PLD1: variants seen among roughly 807,000 people sequenced by gnomAD.
The protein encoded by PLD1 is choline phosphatase 1.
PLD1 carries 112 observed loss-of-function variants against 137.1 expected under a neutral mutation model. The observed-to-expected ratio is 0.82, with a 90% CI of 0.70 to 0.96. PLD1 has a LOEUF of 0.96. PLD1 is among the 40% of genes least tolerant of loss of function. The probability of loss-of-function intolerance (pLI) is 0.00; values close to 1 mark genes in which losing one functional copy is unlikely to be tolerated. For synonymous variants in PLD1, 431 were observed against 454.7 expected (o/e 0.95, Z 0.66); for missense variants, 1,321 against 1,342.0 (o/e 0.98, Z 0.24).
intron 1 of PLD1, among the ~76,000 whole-genome samples, chr3:171,786,854 T>C (rs1023646825): frequency 5.9e-5 from 9 of 152,214 alleles, no homozygotes; most frequent in Non-Finnish European, 1.2e-4. Context: ...TTATCTCTTA[T>C]GCAAACATTC....
In PLD1 at chr3:171,687,583, G is replaced by A. The variant is rs137972331; in HGVS notation, c.1541C>T (p.Pro514Leu). Residue 514 changes from proline to leucine, a missense_variant and splice_region_variant, in exon 15 of 27, where the codon CCT becomes CTT. Coordinates refer to ENST00000351298, the MANE Select transcript of PLD1 (RefSeq NM_002662.5). The stretch of plus-strand genomic sequence containing the variant: ...GGATTCCATAGACTCCATTGCGGCA[G>A]GCTGAGAAAAATTTTTTTTTAAAAA... ...TSGPSLGSLP[P>L]AAMESMESLR... 3,517 of 1,607,246 alleles carry A rather than the reference G, an allele frequency of 2.2e-3. 60 individuals carry two copies. In the Admixed American group the frequency reaches 0.036, roughly 17 times the overall value.
intron 11 of PLD1, among the ~76,000 whole-genome samples, chr3:171,704,458 GAAAAAAAAAA>G (rs34861885): frequency 1.1e-5 from 1 of 95,232 alleles, no homozygotes; most frequent in African/African-American, 3.3e-5. Context: ...AAAGAACCAG[GAAAAAAAAAA>G]AAAAAAAAAC....
chr3:171,663,565 A>G lies in PLD1; in HGVS notation c.2230-1395T>C, dbSNP rs1484390494. Among the ~76,000 whole-genome samples the G allele has an allele frequency of 2.0e-5, 3 of 152,322 alleles. No homozygotes were observed. In the East Asian group the frequency reaches 5.8e-4, roughly 29 times the overall value. ...AGATGTGTTTGAGCTGTGGCAGGTCATGTCAGGGATGCTGCAGAGCAGACT... is the reference window on the plus strand; with the variant it reads ...AGATGTGTTTGAGCTGTGGCAGGTCGTGTCAGGGATGCTGCAGAGCAGACT... On this transcript the variant is annotated intron_variant, in intron 19 of 26. Coordinates refer to ENST00000351298, the MANE Select transcript of PLD1 (RefSeq NM_002662.5).
Position 171,687,476 on chromosome 3 carries a change from C to T in PLD1, c.1648G>A (p.Gly550Arg). ...SIDDVDSKLK[G>R]IGKPRKFSKF... is the part of the protein sequence containing the mutation. ...GAGAACTTTCTTGGCTTTCCTATTC[C>T]TTTCAGTTTTGAATCCACATCATCA... Residue 550 changes from glycine (G) to arginine (R), a missense_variant, in exon 15 of 27, where the codon GGA becomes AGA. Gly to Arg is a moderately radical substitution (Grantham distance 125). Transcript: ENST00000351298. 6.2e-7 allele frequency: 1 copy of T among 1,614,078 alleles called. No individual in the cohort carries two copies. Among genetic ancestry groups the T allele is most frequent in the Non-Finnish European group, 8.5e-7 (1 of 1,179,958 alleles).
chr3:171,725,916 C>G (rs1376188648), intron 7 of PLD1, 102 bp downstream of exon 7: 10 of 775,432 alleles, frequency 1.3e-5, no homozygotes, highest in Admixed American at 3.8e-5. Flanking sequence ...GAGAAGCTAG[C>G]AGTAAAGCCA....
intron 12 of PLD1, among the ~76,000 whole-genome samples, chr3:171,695,406 T>G (rs1715593544): frequency 6.6e-6 from 1 of 152,228 alleles, no homozygotes; most frequent in Non-Finnish European, 1.5e-5. Flanking sequence ...GCCTATGCAA[T>G]GCAGTGTTTC....
intron 8 of PLD1, among the ~76,000 whole-genome samples, chr3:171,723,557 C>T (rs1334921083): frequency 2.0e-5 from 3 of 152,108 alleles, no homozygotes; most frequent in South Asian, 2.1e-4. Context: ...AACTGTTCTC[C>T]GTAGTCGTCG....
At chr3:171,660,154 G>GAT (rs2108432745) in intron 20 of PLD1, among the ~76,000 whole-genome samples, 1 of 152,268 alleles carries the variant, frequency 6.6e-6, no homozygotes, top group Non-Finnish European at 1.5e-5. Flanking sequence ...AAGGTAAAGA[G>GAT]ATATATATGT....
chr3:171,721,731 C>T (rs1425688480), intron 8 of PLD1, among the ~76,000 whole-genome samples: 1 of 151,692 alleles, frequency 6.6e-6, no homozygotes, highest in African/African-American at 2.4e-5. Flanking sequence ...ATATTATTTC[C>T]CTTCTTATTT....
At chr3:171,761,580 A>C (rs1721397573) in intron 1 of PLD1, among the ~76,000 whole-genome samples, 1 of 152,210 alleles carries the variant, frequency 6.6e-6, no homozygotes. Context: ...AGGCAGACTC[A>C]ACTTGGATGG....
intron 20 of PLD1, among the ~76,000 whole-genome samples, chr3:171,660,624 A>G (rs4493457): frequency 0.18 from 26,568 of 151,796 alleles, 2,435 homozygotes; most frequent in South Asian, 0.24. Context: ...TATTTTTTTG[A>G]GATGGAGTCT....
intron 21 of PLD1, among the ~76,000 whole-genome samples, chr3:171,645,757 G>A (rs917406718): frequency 3.9e-5 from 6 of 151,918 alleles, no homozygotes; most frequent in East Asian, 1.9e-4. Flanking sequence ...GGTGGCGGGC[G>A]CCTGTAGTCC....
At chr3:171,748,941 C>A (rs987488312) in intron 1 of PLD1, among the ~76,000 whole-genome samples, 33 of 151,148 alleles carry the variant, frequency 2.2e-4, no homozygotes, top group Admixed American at 1.9e-3. Context: ...TGAATCATGT[C>A]CCCCCTAAGC....
chr3:171,657,625 C>G (rs1737323752), intron 21 of PLD1, among the ~76,000 whole-genome samples: 1 of 151,968 alleles, frequency 6.6e-6, no homozygotes, highest in African/African-American at 2.4e-5. Flanking sequence ...CCTAACTCAC[C>G]CCATATATAA....
chr3:171,724,861 A>G, intron 7 of PLD1, 73 bp from the exon 8 acceptor site: 1 of 843,826 alleles, frequency 1.2e-6, no homozygotes, highest in Non-Finnish European at 2.0e-6. Context: ...GCCTCCCAAC[A>G]TGGGACTAAA....
At chr3:171,764,998 GAA>G (rs773108979) in intron 1 of PLD1, 4 of 133,448 alleles carry the variant, frequency 3.0e-5, no homozygotes, top group Non-Finnish European at 4.9e-5. Context: ...AAGAAAGAAA[GAA>G]AGAAAGAGAA....
chr3:171,650,738 G>A (rs1438892725), intron 21 of PLD1, among the ~76,000 whole-genome samples: 2 of 152,036 alleles, frequency 1.3e-5, no homozygotes, highest in East Asian at 3.9e-4. Flanking sequence ...GAAAATAGTA[G>A]TGTGTGTGTA....
intron 19 of PLD1, among the ~76,000 whole-genome samples, chr3:171,667,252 G>A (rs139366565): frequency 4.2e-4 from 64 of 152,224 alleles, no homozygotes; most frequent in African/African-American, 1.3e-3. Context: ...TCTGATTGTC[G>A]GGCCTTTTTC....
chr3:171,718,022 T>A (rs1486549954), intron 8 of PLD1, among the ~76,000 whole-genome samples: 1 of 152,244 alleles, frequency 6.6e-6, no homozygotes, highest in Non-Finnish European at 1.5e-5. Context: ...ATGTGATGAA[T>A]CACATTTATC....
Sources: allele counts gnomAD v4.1 joint callset (sites outside exome capture counted in the v4.1 genomes callset), GRCh38; gene constraint gnomAD v4.1.1; transcripts MANE v1.5; gene names NCBI Gene and HGNC (gene_info 2026-07-23, HGNC 2026-07-21).